MRAP: variants seen among roughly 807,000 people sequenced by gnomAD.
The protein encoded by MRAP is melanocortin 2 receptor accessory protein, also known as melanocortin-2 receptor accessory protein.
MRAP carries 8 observed loss-of-function variants against 8.7 expected under a neutral mutation model. The ratio of observed to expected loss-of-function variants is 0.92; its 90% confidence interval spans 0.54 to 1.66. The LOEUF is 1.66. MRAP is among the 40% of genes most tolerant of loss of function. The probability of loss-of-function intolerance (pLI) is 0.00; values close to 1 mark genes in which losing one functional copy is unlikely to be tolerated. For synonymous variants in MRAP, 95 were observed against 95.5 expected (o/e 1.00, Z 0.03); for missense variants, 237 against 217.1 (o/e 1.09, Z -0.58).
chr21:32,311,944 G>A lies in MRAP; in HGVS notation c.467G>A (p.Ser156Asn). The A allele has an allele frequency of 6.2e-7, 1 of 1,613,600 alleles. No individual in the cohort carries two copies. Among genetic ancestry groups the A allele is most frequent in the Non-Finnish European group, 8.5e-7 (1 of 1,180,040 alleles). Residue 156 changes from serine (S) to asparagine (N), a missense_variant, in exon 3 of 3, where the codon AGC (serine) becomes AAC (asparagine). Transcript: ENST00000303645. The part of the protein sequence containing the change: ...LTLNGGPLVR[S>N]KPSEPPPGDR... ...CTCAATGGGGGTCCCCTCGTCAGGAGCAAGCCCAGCGAGCCTCCCCCTGGA... is the reference window on the plus strand; with the variant it reads ...CTCAATGGGGGTCCCCTCGTCAGGAACAAGCCCAGCGAGCCTCCCCCTGGA...
At chr21:32,311,331 A>C (rs767999875) in intron 2 of MRAP, 2 of 258,472 alleles carry the variant, frequency 7.7e-6, no homozygotes, top group South Asian at 9.5e-5. Flanking sequence ...CCAAGATACA[A>C]GTTGGCTTGG....
rs147113642 is a variant in MRAP at position 32,299,905 on chromosome 21, T to C, written c.106+828T>C. Among the ~76,000 whole-genome samples, 794 of 152,332 alleles carry C rather than the reference T, an allele frequency of 5.2e-3. 3 individuals are homozygous for C. The highest frequency in any genetic ancestry group is 0.017 in the Middle Eastern group (5 of 294). ...TCCTTATCTCTTGGCTAACGTGGCA[T>C]GTGTGGACAATCTTCTCTGAGGAGT... is the stretch of plus-strand genomic sequence containing the variant. On this transcript the variant is annotated intron_variant, in intron 1 of 2. Coordinates refer to ENST00000303645, the MANE Select transcript of MRAP (RefSeq NM_001379228.1).
At chr21:32,299,163 A>C in intron 1 of MRAP, 86 bp downstream of exon 1, 1 of 960,418 alleles carries the variant, frequency 1.0e-6, no homozygotes, top group South Asian at 1.4e-5. Flanking sequence ...CTCTGCATTC[A>C]CTTATTAACT....
chr21:32,309,525 C>A (rs2032502993), intron 2 of MRAP, among the ~76,000 whole-genome samples: 1 of 151,204 alleles, frequency 6.6e-6, no homozygotes, highest in African/African-American at 2.4e-5. Context: ...GATCTCGGCT[C>A]ACTGCAACCT....
intron 1 of MRAP, among the ~76,000 whole-genome samples, chr21:32,303,199 G>C (rs1166762026): frequency 2.6e-5 from 4 of 152,028 alleles, no homozygotes; most frequent in African/African-American, 9.7e-5. Flanking sequence ...GGCCAGGCTG[G>C]TCTCGAACTC....
intron 1 of MRAP, among the ~76,000 whole-genome samples, 156 bp downstream of exon 1, chr21:32,299,233 G>A (rs1371969425): frequency 6.6e-6 from 1 of 152,234 alleles, no homozygotes; most frequent in Non-Finnish European, 1.5e-5. Flanking sequence ...ATAAATGAAT[G>A]GGGCTGGGAG....
chr21:32,311,828 T>C lies in MRAP; in HGVS notation c.351T>C (p.Thr117=), dbSNP rs762353574. The C allele has an allele frequency of 1.9e-6, 3 of 1,613,740 alleles. No individual in the cohort carries two copies. The highest frequency in any genetic ancestry group is 1.6e-4 in the Middle Eastern group (1 of 6,084). Residue 117 remains threonine, a synonymous_variant, in exon 3 of 3, where the codon ACT becomes ACC. Transcript: ENST00000303645. ...QASSVEPGSR[T]GPDQPLRQES... is the part of the protein sequence containing the mutation. The stretch of plus-strand genomic sequence containing the variant: ...GCTCAGTGGAGCCAGGGAGCAGAAC[T>C]GGCCCTGACCAGCCGCTACGACAGG...
chr21:32,312,065 C>T lies in MRAP; in HGVS notation c.*69C>T, dbSNP rs747888511. ...AGCCAACCTGGACACATACGTTCCT[C>T]GTTCTTCTTAGAGGCCATTTGCATG... On this transcript the variant is annotated 3_prime_UTR_variant, in exon 3 of 3. Transcript: ENST00000303645. 77 of 1,606,374 alleles carry T rather than the reference C, an allele frequency of 4.8e-5. No homozygotes were observed. The highest frequency in any genetic ancestry group is 5.9e-5 in the Non-Finnish European group (70 of 1,179,756).
chr21:32,301,829 C>T (rs1164777966), intron 1 of MRAP, among the ~76,000 whole-genome samples: 7 of 152,136 alleles, frequency 4.6e-5, no homozygotes, highest in Non-Finnish European at 8.8e-5. Context: ...ACAGTCTGTT[C>T]CTCTGCTTCT....
At chr21:32,313,512 A>G (rs2123532193), downstream of MRAP, 1 of 152,354 alleles carries the variant, frequency 6.6e-6, no homozygotes, top group East Asian at 1.9e-4. Context: ...AAGTGAGGTA[A>G]CTGATCCTTG....
At chr21:32,292,512 A>C (rs2032066968) in intron 1 of MRAP, among the ~76,000 whole-genome samples, 1 of 152,166 alleles carries the variant, frequency 6.6e-6, no homozygotes, top group African/African-American at 2.4e-5. Context: ...GTTGGAATAC[A>C]GTGGCGTGAT....
upstream of MRAP, among the ~76,000 whole-genome samples, chr21:32,297,752 A>G (rs2123493849): frequency 6.6e-6 from 1 of 152,342 alleles, no homozygotes; most frequent in East Asian, 1.9e-4. Flanking sequence ...TGTACGGTGT[A>G]GCGGGAGCAG....
chr21:32,314,473 C>A, downstream of MRAP: 2 of 1,375,064 alleles, frequency 1.5e-6, no homozygotes, highest in Non-Finnish European at 2.1e-6. Flanking sequence ...GCGTGAGCCA[C>A]CTCACCTGCT....
At chr21:32,300,678 T>TGTCACGCGTCCTATGTCAGGGGC (rs2032252216) in intron 1 of MRAP, among the ~76,000 whole-genome samples, 2 of 141,388 alleles carry the variant, frequency 1.4e-5, no homozygotes, top group African/African-American at 5.2e-5. Flanking sequence ...ATGTCGGATG[T>TGTCACGCGTCCTATGTCAGGGGC]GTCACGCGTC....
intron 1 of MRAP, among the ~76,000 whole-genome samples, chr21:32,301,713 C>G (rs1269423198): frequency 1.3e-5 from 2 of 152,124 alleles, no homozygotes; most frequent in African/African-American, 4.8e-5. Flanking sequence ...GCTTAATGCT[C>G]TATTATTTAC....
upstream of MRAP, among the ~76,000 whole-genome samples, chr21:32,297,875 T>A (rs2032169028): frequency 6.6e-6 from 1 of 152,232 alleles, no homozygotes; most frequent in African/African-American, 2.4e-5. Context: ...CCCCAAGGAA[T>A]GCCTCAGGCG....
chr21:32,299,482 A>G lies in MRAP; in HGVS notation c.106+405A>G, dbSNP rs192505951. On this transcript the variant is annotated intron_variant, in intron 1 of 2. Coordinates refer to ENST00000303645, the MANE Select transcript of MRAP (RefSeq NM_001379228.1). ...CCCAAGTAACTGAGACTATGGGCAC[A>G]TGCTACCACGCCTGGTTAATTTTGT... 3.2e-4 allele frequency among the ~76,000 whole-genome samples: 48 copies of G among 152,208 alleles called. 1 individual carries two copies. The East Asian group carries it at 8.9e-3, about 28-fold the overall frequency.
At chr21:32,295,393 T>C (rs575736432), upstream of MRAP, among the ~76,000 whole-genome samples, 1 of 152,314 alleles carries the variant, frequency 6.6e-6, no homozygotes, top group Admixed American at 6.5e-5. Context: ...ATGCCATGCT[T>C]GAGCCCACTC....
At chr21:32,298,645 G>A (rs542702813), upstream of MRAP, among the ~76,000 whole-genome samples, 41 of 152,244 alleles carry the variant, frequency 2.7e-4, no homozygotes, top group Admixed American at 1.8e-3. Flanking sequence ...ACTATTTCCC[G>A]CCCAGCTCCC....
Sources: allele counts gnomAD v4.1 joint callset (sites outside exome capture counted in the v4.1 genomes callset), GRCh38; gene constraint gnomAD v4.1.1; transcripts MANE v1.5; gene names NCBI Gene and HGNC (gene_info 2026-07-23, HGNC 2026-07-21).